TNFSF4: variants seen among roughly 807,000 people sequenced by gnomAD.
TNFSF4 encodes the protein tumor necrosis factor ligand superfamily member 4.
In TNFSF4, 4 loss-of-function variants were observed where a neutral mutation model predicts 7.3. The ratio of observed to expected loss-of-function variants is 0.55; its 90% CI spans 0.27 to 1.25. The LOEUF is 1.25. Among genes scored for constraint, TNFSF4 ranks in the 50% most tolerant of loss-of-function variants. The probability of loss-of-function intolerance (pLI) is 0.12; values close to 1 mark genes in which losing one functional copy is unlikely to be tolerated. For missense variants in TNFSF4, 181 were observed against 208.8 expected (o/e 0.87, Z 0.82); for synonymous variants, 76 against 83.7 (o/e 0.91, Z 0.50).
chr1:173,327,568 C>T, the TNFSF4 span, among the ~76,000 whole-genome samples: 2 of 151,322 alleles, frequency 1.3e-5, no homozygotes, highest in East Asian at 3.9e-4. Flanking sequence ...GAACAGGCAA[C>T]CTACAGAATG....
At chr1:173,254,837 A>G in the TNFSF4 span, among the ~76,000 whole-genome samples, 1 of 152,208 alleles carries the variant, frequency 6.6e-6, no homozygotes, top group African/African-American at 2.4e-5. Context: ...CCTGCAACAA[A>G]ATGGAATCAT....
At chr1:173,210,326 G>T (rs1177759877), upstream of TNFSF4, among the ~76,000 whole-genome samples, 1 of 151,592 alleles carries the variant, frequency 6.6e-6, no homozygotes, top group Non-Finnish European at 1.5e-5. Flanking sequence ...AGGGGGACAG[G>T]TGCTAATCTA....
At chr1:173,193,718 G>C (rs1649577927) in intron 1 of TNFSF4, among the ~76,000 whole-genome samples, 1 of 145,768 alleles carries the variant, frequency 6.9e-6, no homozygotes, top group East Asian at 2.0e-4. Context: ...AAAAGGGAGA[G>C]CCCACACTCC....
chr1:173,226,448 A>G, the TNFSF4 span, among the ~76,000 whole-genome samples: 1 of 152,200 alleles, frequency 6.6e-6, no homozygotes, highest in Non-Finnish European at 1.5e-5. Context: ...TGACTATGCA[A>G]ATGAGCATCT....
At chr1:173,395,376 TAATATATATATATATATA>T in the TNFSF4 span, among the ~76,000 whole-genome samples, 1 of 40,108 alleles carries the variant, frequency 2.5e-5, no homozygotes, top group African/African-American at 9.6e-5. Flanking sequence ...ACTGTGTATA[TAATATATATATATATATA>T]TATATATATA....
the TNFSF4 span, among the ~76,000 whole-genome samples, chr1:173,364,225 G>GTA: frequency 0.039 from 5,563 of 143,564 alleles, 361 homozygotes; most frequent in African/African-American, 0.13. Context: ...AGAAGACTAG[G>GTA]TATATATATA....
chr1:173,316,913 T>C, the TNFSF4 span, among the ~76,000 whole-genome samples: 2 of 152,212 alleles, frequency 1.3e-5, no homozygotes, highest in South Asian at 4.1e-4. Context: ...TTTAAGACTA[T>C]GATCCATCTG....
chr1:173,389,938 T>C, the TNFSF4 span, among the ~76,000 whole-genome samples: 2 of 152,178 alleles, frequency 1.3e-5, no homozygotes, highest in South Asian at 4.1e-4. Flanking sequence ...ATTTTGAACA[T>C]AACTATTTTA....
At chr1:173,362,972 T>C in the TNFSF4 span, 2 of 360,962 alleles carry the variant, frequency 5.5e-6, no homozygotes, top group Non-Finnish European at 1.1e-5. Flanking sequence ...GTTTTGACTT[T>C]TTTTAAAATT....
chr1:173,434,922 G>A, the TNFSF4 span, among the ~76,000 whole-genome samples: 11 of 152,198 alleles, frequency 7.2e-5, no homozygotes, highest in African/African-American at 2.4e-4. Flanking sequence ...ACTGAAGAAA[G>A]AAAGAGGATC....
chr1:173,272,416 T>G, the TNFSF4 span, among the ~76,000 whole-genome samples: 1 of 151,754 alleles, frequency 6.6e-6, no homozygotes, highest in African/African-American at 2.4e-5. Flanking sequence ...CTGGAAAAAA[T>G]TGCATGCCCA....
the TNFSF4 span, among the ~76,000 whole-genome samples, chr1:173,369,494 C>T: frequency 6.6e-6 from 1 of 152,058 alleles, no homozygotes; most frequent in African/African-American, 2.4e-5. Flanking sequence ...TCAGTGAGCG[C>T]AACTATTCTG....
chr1:173,300,096 A>G, the TNFSF4 span, among the ~76,000 whole-genome samples: 1 of 86,206 alleles, frequency 1.2e-5, no homozygotes, highest in African/African-American at 4.5e-5. Context: ...CCCAAAATAG[A>G]TGGTAGATAG....
chr1:173,400,188 C>T, the TNFSF4 span, among the ~76,000 whole-genome samples: 4 of 152,318 alleles, frequency 2.6e-5, no homozygotes, highest in East Asian at 5.8e-4. Flanking sequence ...CTTGTCTTAC[C>T]GTGTTTTCCA....
chr1:173,198,328 A>C (rs1649794115), intron 1 of TNFSF4, among the ~76,000 whole-genome samples: 1 of 152,224 alleles, frequency 6.6e-6, no homozygotes, highest in Non-Finnish European at 1.5e-5. Flanking sequence ...CTAATGAAAA[A>C]TTTCCATTTC....
At chr1:173,302,533 C>A in the TNFSF4 span, among the ~76,000 whole-genome samples, 1 of 151,912 alleles carries the variant, frequency 6.6e-6, no homozygotes, top group Non-Finnish European at 1.5e-5. Flanking sequence ...AAAGTTCAGA[C>A]AATTTAAGGT....
At chr1:173,421,471 C>T in the TNFSF4 span, among the ~76,000 whole-genome samples, 2 of 152,140 alleles carry the variant, frequency 1.3e-5, no homozygotes, top group East Asian at 3.8e-4. Flanking sequence ...TACCATACTG[C>T]CCCTCCTTGT....
chr1:173,425,644 C>T, the TNFSF4 span, among the ~76,000 whole-genome samples: 12 of 152,154 alleles, frequency 7.9e-5, no homozygotes, highest in African/African-American at 2.7e-4. Flanking sequence ...ATCATAAAAA[C>T]AGACAGAAAA....
chr1:173,231,451 T>C, the TNFSF4 span, among the ~76,000 whole-genome samples: 1 of 152,160 alleles, frequency 6.6e-6, no homozygotes, highest in Non-Finnish European at 1.5e-5. Flanking sequence ...TATCTCAAAA[T>C]AATAATAGCT....
Sources: allele counts gnomAD v4.1 joint callset (sites outside exome capture counted in the v4.1 genomes callset), GRCh38; gene constraint gnomAD v4.1.1; transcripts MANE v1.5; gene names NCBI Gene and HGNC (gene_info 2026-07-23, HGNC 2026-07-21).